Variants in TRAPPC9 observed in about 807,000 individuals in gnomAD.
TRAPPC9 encodes trafficking protein particle complex subunit 9.
Under a neutral mutation model 124.0 loss-of-function variants are expected in TRAPPC9, and 83 were observed. That is an observed-to-expected ratio of 0.67 (90% CI 0.56 to 0.80). The LOEUF (loss-of-function observed/expected upper bound fraction) is 0.80. Ranked by LOEUF, TRAPPC9 falls within the 30% of genes least tolerant of loss-of-function variation. The pLI, the probability that TRAPPC9 is intolerant of heterozygous loss-of-function variation, is 0.00. For synonymous variants in TRAPPC9, 638 were observed against 617.5 expected, an observed-to-expected ratio of 1.03 and a Z score of -0.49; for missense variants, 1,302 against 1,508.3, an observed-to-expected ratio of 0.86 and a Z score of 2.27.
At chr8:140,413,078 G>A (rs990393757) in intron 5 of TRAPPC9, among the ~76,000 whole-genome samples, 1 of 152,140 alleles carries the variant, frequency 6.6e-6, no homozygotes, top group African/African-American at 2.4e-5. Context: ...CCACAGCAGT[G>A]TGTGCAATAA....
intron 6 of TRAPPC9, among the ~76,000 whole-genome samples, chr8:140,402,247 G>T (rs1222021920): frequency 1.3e-5 from 2 of 151,762 alleles, no homozygotes; most frequent in Non-Finnish European, 1.5e-5. Context: ...GGATGCACCT[G>T]TAGTTACAGC....
intron 17 of TRAPPC9, among the ~76,000 whole-genome samples, chr8:140,181,069 A>T (rs1179948820): frequency 1.3e-5 from 2 of 152,094 alleles, no homozygotes; most frequent in Non-Finnish European, 2.9e-5. Flanking sequence ...TGGATCTCCA[A>T]CTAGACTCTT....
intron 17 of TRAPPC9, among the ~76,000 whole-genome samples, chr8:140,220,941 G>A (rs146901969): frequency 5.9e-5 from 9 of 152,108 alleles, no homozygotes; most frequent in Non-Finnish European, 8.8e-5. Flanking sequence ...TCAAAACCCC[G>A]GAGCACTTGT....
At chr8:140,419,448 A>AAAAAAAAAAAAAAAC (rs1554683879) in intron 5 of TRAPPC9, among the ~76,000 whole-genome samples, 18 of 94,810 alleles carry the variant, frequency 1.9e-4, no homozygotes, top group East Asian at 6.2e-4. Context: ...AAAAAAAAAA[A>AAAAAAAAAAAAAAAC]AAAACAAAAC....
intron 10 of TRAPPC9, 125 bp from the exon 11 acceptor site, chr8:140,300,739 G>A (rs1236786633): frequency 8.6e-7 from 1 of 1,168,648 alleles, no homozygotes; most frequent in Non-Finnish European, 1.3e-6. Context: ...AATGGAGGGA[G>A]GAAAAGCACT....
chr8:140,421,984 CAAAAAAAAA>C (rs35152459), intron 5 of TRAPPC9, among the ~76,000 whole-genome samples: 171 of 43,962 alleles, frequency 3.9e-3, no homozygotes, highest in South Asian at 0.021. Context: ...TCCCTCATGA[CAAAAAAAAA>C]AAAAAAAAAA....
intron 17 of TRAPPC9, among the ~76,000 whole-genome samples, chr8:140,116,916 C>T (rs576729430): frequency 4.0e-5 from 6 of 150,720 alleles, no homozygotes; most frequent in African/African-American, 1.2e-4. Context: ...AGTAAGTAGG[C>T]GGAGTTCAGT....
chr8:140,329,437 A>G (rs1039258607), intron 9 of TRAPPC9, among the ~76,000 whole-genome samples: 7 of 152,224 alleles, frequency 4.6e-5, no homozygotes, highest in Non-Finnish European at 1.0e-4. Context: ...TAGGGAGCAC[A>G]TGGCATTTCA....
chr8:139,948,190 TAGA>T (rs1333753564), intron 19 of TRAPPC9, among the ~76,000 whole-genome samples: 1 of 150,412 alleles, frequency 6.6e-6, no homozygotes, highest in African/African-American at 2.5e-5. Context: ...GGAAGGGAAA[TAGA>T]AGCGAACAAA....
In TRAPPC9 at chr8:140,425,865, C is replaced by T. The variant is rs75538455; in HGVS notation, c.886+750G>A. Among the ~76,000 whole-genome samples, 1,103 of 152,294 alleles carry T rather than the reference C, an allele frequency of 7.2e-3. 19 individuals carry two copies. Among genetic ancestry groups the T allele is most frequent in the African/African-American group, 0.025 (1,053 of 41,550 alleles). On this transcript the variant is annotated intron_variant, in intron 5 of 22. Coordinates refer to ENST00000438773, the MANE Select transcript of TRAPPC9 (RefSeq NM_001160372.4). ...CCTTTCTCTACACATTCCACAAACT[C>T]CATCAGGAAACTTAGCCACGGCCTA...
chr8:140,090,857 G>A (rs1344864096), intron 17 of TRAPPC9, among the ~76,000 whole-genome samples: 2 of 152,206 alleles, frequency 1.3e-5, no homozygotes, highest in East Asian at 3.9e-4. Flanking sequence ...CTGACGTGAT[G>A]GACAGACCAT....
chr8:140,235,714 C>T (rs978467546), intron 16 of TRAPPC9, among the ~76,000 whole-genome samples: 1 of 152,188 alleles, frequency 6.6e-6, no homozygotes, highest in Non-Finnish European at 1.5e-5. Flanking sequence ...CCAAGAACCA[C>T]TTTGAAAATC....
intron 21 of TRAPPC9, among the ~76,000 whole-genome samples, chr8:139,878,047 C>T (rs1481218964): frequency 2.0e-5 from 3 of 152,292 alleles, no homozygotes; most frequent in East Asian, 1.9e-4. Context: ...CTGAGGGAAT[C>T]GCCCCAAAAC....
At chr8:140,267,675 G>A (rs1258595790) in intron 15 of TRAPPC9, among the ~76,000 whole-genome samples, 3 of 152,102 alleles carry the variant, frequency 2.0e-5, no homozygotes, top group African/African-American at 4.8e-5. Context: ...TGTTGTTGTT[G>A]TTGTTGTTTG....
intron 5 of TRAPPC9, among the ~76,000 whole-genome samples, chr8:140,422,132 C>T (rs1049819810): frequency 6.6e-6 from 1 of 151,996 alleles, no homozygotes; most frequent in African/African-American, 2.4e-5. Flanking sequence ...CCCACATCAC[C>T]ACTTACTAGC....
chr8:140,050,883 G>A (rs1841952874), intron 17 of TRAPPC9, among the ~76,000 whole-genome samples: 1 of 152,228 alleles, frequency 6.6e-6, no homozygotes. Flanking sequence ...AAGGGCACCT[G>A]CACGTGGCCT....
chr8:140,012,313 A>C (rs1181590066), intron 18 of TRAPPC9, among the ~76,000 whole-genome samples: 1 of 152,166 alleles, frequency 6.6e-6, no homozygotes, highest in Non-Finnish European at 1.5e-5. Flanking sequence ...CCACAAAATC[A>C]AGGTACCCTG....
In TRAPPC9 at chr8:139,907,435, C is replaced by T. The variant is rs138170803; in HGVS notation, c.2964+2712G>A. On this transcript the variant is annotated intron_variant, in intron 20 of 22. Coordinates refer to ENST00000438773, the MANE Select transcript of TRAPPC9 (RefSeq NM_001160372.4). This position sits in a 1 kb window ranked among gnomAD's most constrained non-coding sequence, Gnocchi z 4.7. ...ATTCAATCTTTGGTCTTTCCATCTG[C>T]TTGAATTCAGGTTTACAATAGCAAA... Among the ~76,000 whole-genome samples the T allele has an allele frequency of 2.0e-5, 3 of 151,570 alleles. No individual in the cohort carries two copies. In the East Asian group the frequency reaches 5.8e-4, roughly 29 times the overall value.
At chr8:140,437,539 G>T (rs540062939) in intron 3 of TRAPPC9, among the ~76,000 whole-genome samples, 1 of 152,152 alleles carries the variant, frequency 6.6e-6, no homozygotes, top group African/African-American at 2.4e-5. Context: ...CAGGAGAATC[G>T]CTTGAACCCA....
Sources: allele counts gnomAD v4.1 joint callset (sites outside exome capture counted in the v4.1 genomes callset), GRCh38; gene constraint gnomAD v4.1.1; non-coding constraint Gnocchi (gnomAD v3.1); transcripts MANE v1.5; gene names NCBI Gene and HGNC (gene_info 2026-07-23, HGNC 2026-07-21).